RBFOX1: variants seen among roughly 807,000 people sequenced by gnomAD.
RBFOX1 encodes the protein RNA binding fox-1 homolog 1.
A neutral mutation model predicts 57.7 loss-of-function variants in RBFOX1; 8 were observed. That is an observed-to-expected ratio of 0.14 (90% CI 0.08 to 0.25). RBFOX1 has a LOEUF of 0.25. RBFOX1 is among the 10% of genes least tolerant of loss of function. RBFOX1 has a pLI of 1.00. For synonymous variants in RBFOX1, 326 were observed against 222.4 expected, an observed-to-expected ratio of 1.47 and a Z score of -4.15; for missense variants, 611 against 548.5, an observed-to-expected ratio of 1.11 and a Z score of -1.14.
chr16:6,772,792 G>GTT, intron 3 of RBFOX1, among the ~76,000 whole-genome samples: 1 of 150,268 alleles, frequency 6.7e-6, no homozygotes, highest in East Asian at 2.0e-4. Flanking sequence ...GTGCATTTGT[G>GTT]TGCGTATGTG....
chr16:6,807,675 G>T (rs975217366), intron 3 of RBFOX1, among the ~76,000 whole-genome samples: 1 of 152,016 alleles, frequency 6.6e-6, no homozygotes, highest in African/African-American at 2.4e-5. Context: ...ATTTGGCTGG[G>T]CATGGTGGCA....
At chr16:6,582,907 CTAT>C (rs1434758127) in intron 2 of RBFOX1, among the ~76,000 whole-genome samples, 2 of 151,014 alleles carry the variant, frequency 1.3e-5, no homozygotes, top group East Asian at 4.0e-4. Context: ...TCAATTATTA[CTAT>C]TATTTGCAAT....
At chr16:6,104,050 C>T (rs917265918) in intron 1 of RBFOX1, among the ~76,000 whole-genome samples, 1 of 152,012 alleles carries the variant, frequency 6.6e-6, no homozygotes. Flanking sequence ...TGGTCCTCAG[C>T]CTAGCAGGAT....
At chr16:6,430,871 C>T (rs975117836) in intron 2 of RBFOX1, among the ~76,000 whole-genome samples, 2 of 151,168 alleles carry the variant, frequency 1.3e-5, no homozygotes. Flanking sequence ...TAGCTCATGC[C>T]TGTCACCCCA....
At chr16:7,394,235 C>CAAAAAAAAAAAAAAAAAAAAAAAAAA (rs59934126) in intron 4 of RBFOX1, among the ~76,000 whole-genome samples, 1 of 55,024 alleles carries the variant, frequency 1.8e-5, no homozygotes, top group African/African-American at 8.4e-5. Flanking sequence ...GACTCCGCAT[C>CAAAAAAAAAAAAAAAAAAAAAAAAAA]AAAAAAAAAA....
At chr16:5,658,734 A>T (rs1158951815) in intron 3 of RBFOX1, among the ~76,000 whole-genome samples, 2 of 68,174 alleles carry the variant, frequency 2.9e-5, no homozygotes, top group Non-Finnish European at 6.5e-5. Flanking sequence ...ACATACATAT[A>T]TATAAATGTG....
chr16:6,263,513 T>TGG (rs1167574217), intron 1 of RBFOX1, among the ~76,000 whole-genome samples: 64 of 152,280 alleles, frequency 4.2e-4, no homozygotes, highest in African/African-American at 1.4e-3. Context: ...TGAAACCATT[T>TGG]CTCTGAATGT....
At chr16:6,176,565 G>A (rs1197176006) in intron 1 of RBFOX1, among the ~76,000 whole-genome samples, 2 of 152,072 alleles carry the variant, frequency 1.3e-5, no homozygotes, top group Non-Finnish European at 2.9e-5. Context: ...GAGATTTGAT[G>A]ATACCATGTT....
intron 2 of RBFOX1, among the ~76,000 whole-genome samples, chr16:6,541,661 T>C (rs568786239): frequency 7.9e-5 from 12 of 152,306 alleles, no homozygotes; most frequent in African/African-American, 2.9e-4. Flanking sequence ...AATTTAATTG[T>C]AGGAAGAGCA....
At chr16:6,758,362 G>A (rs1023954033) in intron 3 of RBFOX1, among the ~76,000 whole-genome samples, 6 of 152,078 alleles carry the variant, frequency 3.9e-5, no homozygotes, top group Non-Finnish European at 8.8e-5. Flanking sequence ...CAAAGTAGCA[G>A]AATGCTATTA....
intron 4 of RBFOX1, among the ~76,000 whole-genome samples, chr16:7,224,777 T>G (rs1403413274): frequency 2.0e-5 from 3 of 152,232 alleles, no homozygotes; most frequent in Non-Finnish European, 2.9e-5. Flanking sequence ...TCCTCGTTAT[T>G]CAAAGTGTGG....
At chr16:5,805,049 G>A (rs114717026) in intron 3 of RBFOX1, among the ~76,000 whole-genome samples, 2,626 of 152,208 alleles carry the variant, frequency 0.017, 47 homozygotes, top group African/African-American at 0.042. Context: ...ACAGTTTGGG[G>A]AGCATTGAGT....
At chr16:5,724,419 C>T (rs966813934) in intron 3 of RBFOX1, among the ~76,000 whole-genome samples, 3 of 152,066 alleles carry the variant, frequency 2.0e-5, no homozygotes, top group African/African-American at 7.2e-5. Context: ...AAACTGGCTT[C>T]CCTTGAGTCT....
intron 2 of RBFOX1, among the ~76,000 whole-genome samples, chr16:6,496,068 T>G (rs746829783): frequency 1.3e-5 from 2 of 152,228 alleles, no homozygotes; most frequent in African/African-American, 2.4e-5. Context: ...TATGGAAAGA[T>G]TCCATGAAAT....
At chr16:6,244,842 G>C (rs1159560371) in intron 1 of RBFOX1, among the ~76,000 whole-genome samples, 2 of 152,112 alleles carry the variant, frequency 1.3e-5, no homozygotes, top group African/African-American at 4.8e-5. Context: ...TTGGTGTGCT[G>C]TTTTCTCCTT....
chr16:5,271,772 CT>C (rs1413474934), intron 1 of RBFOX1, among the ~76,000 whole-genome samples: 1 of 152,220 alleles, frequency 6.6e-6, no homozygotes, highest in Non-Finnish European at 1.5e-5. Context: ...GCCCCAGCCC[CT>C]GATAACCACT....
At chr16:5,434,317 CTTTTTTTTTT>C (rs5815245) in intron 1 of RBFOX1, among the ~76,000 whole-genome samples, 1 of 79,734 alleles carries the variant, frequency 1.3e-5, no homozygotes, top group African/African-American at 5.1e-5. Context: ...TGCTGAAGTC[CTTTTTTTTTT>C]TTTTTTTTTT....
At chr16:7,042,348 A>C (rs1336835797) in intron 3 of RBFOX1, among the ~76,000 whole-genome samples, 2 of 152,162 alleles carry the variant, frequency 1.3e-5, no homozygotes, top group African/African-American at 4.8e-5. Flanking sequence ...AACTGTGTAC[A>C]ATGGTGATTC....
chr16:7,532,541 C>A (rs545426035), intron 5 of RBFOX1, among the ~76,000 whole-genome samples: 2 of 152,180 alleles, frequency 1.3e-5, no homozygotes, highest in African/African-American at 4.8e-5. Context: ...GGGCGTTGGC[C>A]ATCTTTCTCC....
Sources: gnomAD v4.1 joint callset for allele counts (sites outside exome capture counted in the v4.1 genomes callset) on GRCh38, gnomAD v4.1.1 for gene constraint, MANE v1.5 for transcripts, NCBI Gene and HGNC (gene_info 2026-07-23, HGNC 2026-07-21) for gene names.